RANBP17: variants seen among roughly 807,000 people sequenced by gnomAD.
RANBP17 encodes ran-binding protein 17.
A neutral mutation model predicts 141.2 loss-of-function variants in RANBP17; 158 were observed. The observed-to-expected ratio is 1.12, with a 90% CI of 0.98 to 1.28. The LOEUF (loss-of-function observed/expected upper bound fraction) is 1.28. RANBP17 is among the 50% of genes most tolerant of loss of function. The pLI is 0.00. For synonymous variants in RANBP17, 430 were observed against 450.0 expected (o/e 0.96, Z 0.56); for missense variants, 1,438 against 1,290.7 (o/e 1.11, Z -1.75).
chr5:171,086,336 C>T (rs1176411301), intron 14 of RANBP17, among the ~76,000 whole-genome samples: 12 of 151,238 alleles, frequency 7.9e-5, no homozygotes, highest in African/African-American at 2.4e-4. Context: ...GGTGGATAAG[C>T]GTTTTGATGT....
At chr5:171,147,581 A>G (rs1318855232) in intron 14 of RANBP17, among the ~76,000 whole-genome samples, 2 of 151,670 alleles carry the variant, frequency 1.3e-5, no homozygotes, top group African/African-American at 4.8e-5. Flanking sequence ...AAGCCCAGCT[A>G]ATTTTTGTAT....
At chr5:170,929,079 T>G (rs1773143461) in intron 12 of RANBP17, among the ~76,000 whole-genome samples, 2 of 152,114 alleles carry the variant, frequency 1.3e-5, no homozygotes. Context: ...AAACCAGAAT[T>G]GAATTTTGTC....
At position 170,909,766 on chromosome 5, in the gene RANBP17, G is replaced by T; in HGVS notation, c.594+1G>T. The T allele has an allele frequency of 2.1e-6, 3 of 1,413,256 alleles. No individual in the cohort carries two copies. Among genetic ancestry groups the T allele is most frequent in the South Asian group, 2.4e-5 (2 of 84,458 alleles). 87.5% of individuals were successfully genotyped at this position (1,413,256 alleles called of 1,614,324 possible). On this transcript the variant is annotated splice_donor_variant, in intron 6 of 27. Coordinates refer to ENST00000523189, the MANE Select transcript of RANBP17 (RefSeq NM_022897.5). LOFTEE classifies it high-confidence loss of function. ...GCTAGCATGCTCTCTTTTAAAAGAG[G>T]TAAGTTATTTGATAATTCAACTTCC...
chr5:171,064,234 G>A (rs971919050), intron 14 of RANBP17, among the ~76,000 whole-genome samples: 4 of 152,226 alleles, frequency 2.6e-5, no homozygotes, highest in African/African-American at 9.6e-5. Context: ...TGGAAATGCA[G>A]AAATCACCCG....
chr5:171,085,360 C>G (rs952126631), intron 14 of RANBP17, among the ~76,000 whole-genome samples: 6 of 113,514 alleles, frequency 5.3e-5, no homozygotes, highest in African/African-American at 1.9e-4. Flanking sequence ...GTTTTGGTTA[C>G]TGTAGCCTTG....
intron 14 of RANBP17, among the ~76,000 whole-genome samples, chr5:171,059,180 T>G (rs1194957079): frequency 1.3e-5 from 2 of 152,174 alleles, no homozygotes; most frequent in Non-Finnish European, 1.5e-5. Flanking sequence ...AGATCCCATT[T>G]GTCAATTTTT....
At chr5:171,064,252 C>T (rs1248935208) in intron 14 of RANBP17, among the ~76,000 whole-genome samples, 5 of 152,194 alleles carry the variant, frequency 3.3e-5, no homozygotes, top group African/African-American at 7.2e-5. Flanking sequence ...CCGTCTTCTG[C>T]GTCACTCACG....
chr5:170,912,748 C>T (rs572802403), intron 7 of RANBP17, among the ~76,000 whole-genome samples: 13 of 151,446 alleles, frequency 8.6e-5, no homozygotes, highest in East Asian at 3.9e-4. Flanking sequence ...GGAGGTGTGA[C>T]GGTTAGGAGT....
At chr5:171,032,680 C>G (rs1420489109) in intron 14 of RANBP17, among the ~76,000 whole-genome samples, 1 of 151,906 alleles carries the variant, frequency 6.6e-6, no homozygotes, top group African/African-American at 2.4e-5. Flanking sequence ...AGTGAGATTC[C>G]CGTCATCACT....
chr5:170,912,581 G>A (rs777819381), intron 7 of RANBP17, among the ~76,000 whole-genome samples: 61 of 151,962 alleles, frequency 4.0e-4, no homozygotes, highest in Non-Finnish European at 6.9e-4. Flanking sequence ...ATTGTTCAGA[G>A]AATGTTCCAA....
chr5:171,094,731 A>G (rs562744693), intron 14 of RANBP17, among the ~76,000 whole-genome samples: 1 of 152,230 alleles, frequency 6.6e-6, no homozygotes, highest in South Asian at 2.1e-4. Context: ...TAATCTTGCT[A>G]TATGGTAGTA....
At chr5:170,954,511 T>TACACACACACACAC (rs71787034) in intron 13 of RANBP17, among the ~76,000 whole-genome samples, 1 of 125,708 alleles carries the variant, frequency 8.0e-6, no homozygotes, top group African/African-American at 3.0e-5. Flanking sequence ...TGGTATATTT[T>TACACACACACACAC]ACACACACAC....
At chr5:171,130,892 G>A (rs1756871789) in intron 14 of RANBP17, among the ~76,000 whole-genome samples, 1 of 152,040 alleles carries the variant, frequency 6.6e-6, no homozygotes, top group Non-Finnish European at 1.5e-5. Flanking sequence ...ATAGAAATTA[G>A]GAGTGTTACA....
intron 12 of RANBP17, among the ~76,000 whole-genome samples, chr5:170,949,983 C>G (rs894292567): frequency 2.0e-5 from 3 of 152,050 alleles, no homozygotes; most frequent in Non-Finnish European, 4.4e-5. Flanking sequence ...GTGTCAAGAA[C>G]ATACATTGGG....
intron 14 of RANBP17, among the ~76,000 whole-genome samples, chr5:171,058,967 G>C (rs1210143532): frequency 6.6e-6 from 1 of 151,512 alleles, no homozygotes; most frequent in African/African-American, 2.4e-5. Flanking sequence ...CTTCTTTTGA[G>C]AAGTGTCTGT....
chr5:171,033,233 A>G (rs552982386), intron 14 of RANBP17, among the ~76,000 whole-genome samples: 2 of 152,216 alleles, frequency 1.3e-5, no homozygotes, highest in South Asian at 4.2e-4. Context: ...TCAGCATACT[A>G]TACATTTTGT....
intron 14 of RANBP17, among the ~76,000 whole-genome samples, chr5:171,165,733 C>A (rs897208014): frequency 2.6e-5 from 4 of 152,104 alleles, no homozygotes; most frequent in African/African-American, 7.2e-5. Flanking sequence ...GAAACGTATT[C>A]GTGTGGAAAT....
At chr5:170,875,204 G>T (rs1295641554) in intron 1 of RANBP17, among the ~76,000 whole-genome samples, 1 of 152,178 alleles carries the variant, frequency 6.6e-6, no homozygotes, top group African/African-American at 2.4e-5. Context: ...TCTGTTGTTA[G>T]TCTGATGGGC....
chr5:171,115,452 A>G (rs1382231192), intron 14 of RANBP17, among the ~76,000 whole-genome samples: 1 of 152,208 alleles, frequency 6.6e-6, no homozygotes, highest in Non-Finnish European at 1.5e-5. Context: ...GATAAAGTTA[A>G]TTGCCATGAG....
Sources: gnomAD v4.1 joint callset for allele counts (sites outside exome capture counted in the v4.1 genomes callset) on GRCh38, gnomAD v4.1.1 for gene constraint, MANE v1.5 for transcripts, NCBI Gene and HGNC (gene_info 2026-07-23, HGNC 2026-07-21) for gene names.